The following FRMD4A variants were observed in gnomAD, a reference collection of about 807,000 sequenced individuals.
The protein encoded by FRMD4A is FERM domain containing 4A.
Under a neutral mutation model 129.1 loss-of-function variants are expected in FRMD4A, and 29 were observed. The ratio of observed to expected loss-of-function variants is 0.22; its 90% CI spans 0.17 to 0.31. The LOEUF (loss-of-function observed/expected upper bound fraction) is 0.31. Among genes scored for constraint, FRMD4A ranks in the 10% least tolerant of loss-of-function variants. FRMD4A has a pLI of 1.00. For synonymous variants in FRMD4A, 634 were observed against 571.6 expected, an observed-to-expected ratio of 1.11 and a Z score of -1.56; for missense variants, 1,272 against 1,375.8, an observed-to-expected ratio of 0.92 and a Z score of 1.19.
intron 2 of FRMD4A, among the ~76,000 whole-genome samples, chr10:14,107,666 T>C (rs1323168563): frequency 6.6e-6 from 1 of 152,214 alleles, no homozygotes; most frequent in African/African-American, 2.4e-5. Context: ...TAAAAGTGTG[T>C]ATATATTCAT....
At chr10:14,295,101 C>T (rs141658584) in intron 2 of FRMD4A, among the ~76,000 whole-genome samples, 1 of 152,120 alleles carries the variant, frequency 6.6e-6, no homozygotes, top group African/African-American at 2.4e-5. Context: ...CAGGCCTTGG[C>T]ATAGTTTTAC....
intron 4 of FRMD4A, among the ~76,000 whole-genome samples, chr10:13,807,800 CTT>C (rs11388392): frequency 7.0e-4 from 99 of 142,170 alleles, no homozygotes; most frequent in Non-Finnish European, 6.0e-4. Context: ...TTTAGAAATT[CTT>C]TTTTTTTTTT....
chr10:14,003,197 G>C (rs1369857820), intron 2 of FRMD4A, among the ~76,000 whole-genome samples: 1 of 152,182 alleles, frequency 6.6e-6, no homozygotes, highest in Non-Finnish European at 1.5e-5. Flanking sequence ...ACGGAATAGA[G>C]GAGCAGGACG....
In FRMD4A at chr10:13,977,421, T is replaced by C. The variant is rs551081731; in HGVS notation, c.46-118509A>G. Among the ~76,000 whole-genome samples the C allele has an allele frequency of 2.6e-3, 399 of 152,352 alleles. 1 individual carries two copies. The highest frequency in any genetic ancestry group is 4.8e-3 in the South Asian group (23 of 4,828). ...TAATCAAAATGCTGGGTAGCAGTAGTGTTGGAAGCTTTGTTCTTTAAATGA... is the reference window on the plus strand; with the variant it reads ...TAATCAAAATGCTGGGTAGCAGTAGCGTTGGAAGCTTTGTTCTTTAAATGA... On this transcript the variant is annotated intron_variant, in intron 2 of 24. Coordinates refer to ENST00000357447, the MANE Select transcript of FRMD4A (RefSeq NM_018027.5).
intron 2 of FRMD4A, among the ~76,000 whole-genome samples, chr10:14,141,705 T>C (rs1839844864): frequency 6.6e-6 from 1 of 152,180 alleles, no homozygotes. Flanking sequence ...GGGGTGAAAT[T>C]AACTGCATGT....
chr10:13,989,145 C>T (rs1382034026), intron 2 of FRMD4A, among the ~76,000 whole-genome samples: 1 of 152,076 alleles, frequency 6.6e-6, no homozygotes, highest in Non-Finnish European at 1.5e-5. Context: ...GGGTCTCAGT[C>T]TTCCAGCCCC....
intron 2 of FRMD4A, among the ~76,000 whole-genome samples, chr10:13,900,678 A>G (rs535808790): frequency 2.0e-5 from 3 of 152,078 alleles, no homozygotes; most frequent in Middle Eastern, 3.4e-3. Flanking sequence ...GGGTGGATCA[A>G]TTGAGGTCAG....
intron 5 of FRMD4A, among the ~76,000 whole-genome samples, chr10:13,790,645 G>C (rs544124629): frequency 6.6e-6 from 1 of 152,298 alleles, no homozygotes; most frequent in East Asian, 1.9e-4. Flanking sequence ...AGCCACATGG[G>C]AGCAGGGCAG....
At chr10:14,288,224 C>T (rs975047175) in intron 2 of FRMD4A, among the ~76,000 whole-genome samples, 1 of 152,148 alleles carries the variant, frequency 6.6e-6, no homozygotes, top group Non-Finnish European at 1.5e-5. Context: ...CACAGTCGAA[C>T]TTCCCAACAG....
intron 6 of FRMD4A, among the ~76,000 whole-genome samples, chr10:13,771,011 T>C (rs2092439783): frequency 6.6e-6 from 1 of 152,196 alleles, no homozygotes. Flanking sequence ...AGACCATTTA[T>C]TTCAATATCA....
In FRMD4A at chr10:13,676,521, C is replaced by T. The variant is rs146989653; in HGVS notation, c.1118-1477G>A. Among the ~76,000 whole-genome samples, 565 of 151,704 alleles carry T rather than the reference C, an allele frequency of 3.7e-3. 3 individuals are homozygous for T. Among genetic ancestry groups the T allele is most frequent in the Non-Finnish European group, 5.9e-3 (399 of 67,910 alleles). On this transcript the variant is annotated intron_variant, in intron 15 of 24. Transcript: ENST00000357447. Reference sequence around the variant, plus strand: ...AACTCCTGACCTCAGGTGATCCACCCGCCTCAGCCTCCCAAAGTGCTGGGA... The same window carrying T: ...AACTCCTGACCTCAGGTGATCCACCTGCCTCAGCCTCCCAAAGTGCTGGGA...
chr10:13,912,520 ATTTTTTTTTTTTTT>A (rs57865883), intron 2 of FRMD4A, among the ~76,000 whole-genome samples: 2 of 126,212 alleles, frequency 1.6e-5, no homozygotes, highest in African/African-American at 5.9e-5. Context: ...ACATAATAGA[ATTTTTTTTTTTTTT>A]TTTTTTTTTT....
chr10:14,309,969 C>A (rs1175770280), intron 2 of FRMD4A, among the ~76,000 whole-genome samples: 14 of 151,894 alleles, frequency 9.2e-5, no homozygotes, highest in Admixed American at 2.0e-4. Flanking sequence ...GAACCCCCAG[C>A]AAGACTGGCC....
intron 3 of FRMD4A, among the ~76,000 whole-genome samples, chr10:13,814,651 G>C (rs1298689092): frequency 7.6e-6 from 1 of 131,588 alleles, no homozygotes; most frequent in African/African-American, 2.8e-5. Context: ...AAGAAAGAAA[G>C]AGAGACAGAA....
chr10:14,180,704 A>G (rs1424044163), intron 2 of FRMD4A, among the ~76,000 whole-genome samples: 1 of 152,202 alleles, frequency 6.6e-6, no homozygotes, highest in African/African-American at 2.4e-5. Context: ...TAAACTGTGG[A>G]GCAGAGCTGA....
intron 21 of FRMD4A, among the ~76,000 whole-genome samples, chr10:13,657,858 C>A (rs2134658318): frequency 6.7e-6 from 1 of 149,794 alleles, no homozygotes; most frequent in Non-Finnish European, 1.5e-5. Context: ...CATGTTAAAC[C>A]AGATAGGGCT....
At chr10:13,908,982 C>T (rs1341204801) in intron 2 of FRMD4A, among the ~76,000 whole-genome samples, 1 of 152,180 alleles carries the variant, frequency 6.6e-6, no homozygotes, top group Non-Finnish European at 1.5e-5. Flanking sequence ...TCAGTGAGGC[C>T]ATCGCTGTAC....
intron 2 of FRMD4A, among the ~76,000 whole-genome samples, chr10:14,289,710 CT>C (rs1483202073): frequency 2.0e-5 from 3 of 152,036 alleles, no homozygotes; most frequent in African/African-American, 7.2e-5. Context: ...GCAAGGATGC[CT>C]ACTTTCACCA....
intron 8 of FRMD4A, among the ~76,000 whole-genome samples, chr10:13,753,797 G>C (rs2091739643): frequency 6.6e-6 from 1 of 152,004 alleles, no homozygotes; most frequent in East Asian, 1.9e-4. Flanking sequence ...CTCCTGCCTT[G>C]GCCTCCCAAA....
Sources: gnomAD v4.1 joint callset for allele counts (sites outside exome capture counted in the v4.1 genomes callset) on GRCh38, gnomAD v4.1.1 for gene constraint, MANE v1.5 for transcripts, NCBI Gene and HGNC (gene_info 2026-07-23, HGNC 2026-07-21) for gene names.